Variants in PSME4 observed in about 807,000 individuals in gnomAD.
PSME4 encodes the protein proteasome activator subunit 4.
Under a neutral mutation model 253.9 loss-of-function variants are expected in PSME4, and 89 were observed. That is an observed-to-expected ratio of 0.35 (90% CI 0.30 to 0.42). The LOEUF (loss-of-function observed/expected upper bound fraction) is 0.42. Ranked by LOEUF, PSME4 falls within the 10% of genes least tolerant of loss-of-function variation. The pLI, the probability that PSME4 is intolerant of heterozygous loss-of-function variation, is 1.00. For missense variants in PSME4, 2,014 were observed against 2,195.2 expected (o/e 0.92, Z 1.65); for synonymous variants, 851 against 759.2 (o/e 1.12, Z -1.99).
intron 1 of PSME4, among the ~76,000 whole-genome samples, chr2:53,966,927 T>G (rs1315953800): frequency 6.6e-6 from 1 of 152,128 alleles, no homozygotes. Flanking sequence ...CTCGAACTCC[T>G]GACCTCGTGA....
chr2:53,962,692 G>C (rs1670543174), intron 1 of PSME4, among the ~76,000 whole-genome samples: 1 of 152,104 alleles, frequency 6.6e-6, no homozygotes, highest in South Asian at 2.1e-4. Context: ...GGCCTAGTCT[G>C]TCCTAAATGA....
chr2:53,895,251 T>C (rs982002075), intron 33 of PSME4, among the ~76,000 whole-genome samples, 175 bp from the exon 34 acceptor site: 2 of 152,162 alleles, frequency 1.3e-5, no homozygotes, highest in Non-Finnish European at 2.9e-5. Flanking sequence ...TGTGTCCTAA[T>C]GACAAATGGA....
Position 53,928,103 on chromosome 2 carries a change from A to G in PSME4, c.1503+14T>C, listed in dbSNP as rs805349. 503,973 of 1,588,178 alleles carry G rather than the reference A, an allele frequency of 0.32. 81,885 individuals carry two copies. The highest frequency in any genetic ancestry group is 0.46 in the South Asian group (40,402 of 87,696). On this transcript the variant is annotated intron_variant, in intron 11 of 46. Transcript: ENST00000404125. ...CTACCTAAATACGGAGTGTATAATC[A>G]CCAATATACTCACCATGCATTTACT...
intron 14 of PSME4, among the ~76,000 whole-genome samples, chr2:53,923,913 CAAAAAAAA>C (rs199929436): frequency 8.7e-4 from 84 of 96,868 alleles, no homozygotes; most frequent in East Asian, 1.8e-3. Flanking sequence ...ACAGAGTTAA[CAAAAAAAA>C]AAAAAAAAAA....
chr2:53,933,852 G>A (rs1295997365), intron 8 of PSME4, among the ~76,000 whole-genome samples: 2 of 152,130 alleles, frequency 1.3e-5, no homozygotes, highest in African/African-American at 4.8e-5. Flanking sequence ...TTCAGTGTTT[G>A]CTCCTACTGA....
At chr2:53,894,337 T>C (rs1278953000) in intron 34 of PSME4, among the ~76,000 whole-genome samples, 1 of 152,188 alleles carries the variant, frequency 6.6e-6, no homozygotes, top group African/African-American at 2.4e-5. Context: ...AGTGGTGCGA[T>C]CATGGCTCAT....
rs770492952 is a variant in PSME4, at chr2:53,922,576, C to T, written c.1987G>A (p.Val663Ile). 1.9e-6 allele frequency: 3 copies of T among 1,612,118 alleles called. No individual in the cohort carries two copies. Among genetic ancestry groups the T allele is most frequent in the East Asian group, 2.2e-5 (1 of 44,702 alleles). ...VITQLTMNDD[V>I]LNDEELDKEL... ...TTGTCTAGCTCTTCATCATTTAATA[C>T]ATCATCATCTAAAAACAGCAAAATA... The change falls in exon 17 of 47, where the codon GTA becomes ATA. Residue 663 changes from valine (V) to isoleucine (I), a missense_variant. Val to Ile is a conservative substitution (Grantham distance 29). Around this residue, in one of 4 missense-constraint regions of PSME4, gnomAD observed 989 missense variants for 1,021.1 expected, o/e 0.97. Coordinates refer to ENST00000404125, the MANE Select transcript of PSME4 (RefSeq NM_014614.3).
At chr2:53,930,774 G>A (rs1417440554) in intron 10 of PSME4, among the ~76,000 whole-genome samples, 1 of 152,124 alleles carries the variant, frequency 6.6e-6, no homozygotes, top group African/African-American at 2.4e-5. Context: ...ATAGGCTATA[G>A]TCTGAATTCT....
At position 53,887,453 on chromosome 2, in the gene PSME4, A is replaced by T; in HGVS notation, c.4535T>A (p.Ile1512Lys). ...RERIGSVLTY[I>K]FMIDVSLPNT... ...TGGCAAAGATACATCTATCATGAAT[A>T]TGTAGGTCAGCACACTGCAAAATAA... Residue 1512 changes from isoleucine to lysine, a missense_variant, in exon 40 of 47, where the codon ATA becomes AAA. Transcript: ENST00000404125. 6.2e-7 allele frequency: 1 copy of T among 1,612,878 alleles called. No individual in the cohort carries two copies. Among genetic ancestry groups the T allele is most frequent in the Non-Finnish European group, 8.5e-7 (1 of 1,178,926 alleles).
At chr2:53,959,551 C>T (rs1670388738) in intron 1 of PSME4, among the ~76,000 whole-genome samples, 1 of 152,152 alleles carries the variant, frequency 6.6e-6, no homozygotes, top group Non-Finnish European at 1.5e-5. Flanking sequence ...ATATCAGTTC[C>T]AGTCTTTTCC....
chr2:53,883,086 A>G (rs1391571379), intron 41 of PSME4, among the ~76,000 whole-genome samples: 1 of 152,112 alleles, frequency 6.6e-6, no homozygotes, highest in African/African-American at 2.4e-5. Context: ...GTTTATGAAT[A>G]TTTCCTTCCA....
chr2:53,962,598 A>T (rs1670539993), intron 1 of PSME4, among the ~76,000 whole-genome samples: 1 of 152,238 alleles, frequency 6.6e-6, no homozygotes, highest in South Asian at 2.1e-4. Context: ...GCATTAAAAC[A>T]CAGTGGTCAG....
intron 43 of PSME4, among the ~76,000 whole-genome samples, chr2:53,872,353 C>T (rs758613238): frequency 1.3e-5 from 2 of 152,236 alleles, no homozygotes; most frequent in Admixed American, 6.5e-5. Context: ...TTTCCCCATA[C>T]TATCAACGAA....
At chr2:53,898,994 T>C (rs1237048984) in intron 29 of PSME4, among the ~76,000 whole-genome samples, 2 of 151,916 alleles carry the variant, frequency 1.3e-5, no homozygotes, top group African/African-American at 4.8e-5. Context: ...GTTTCTGAAA[T>C]ATTACTACCT....
chr2:53,949,020 G>C lies in PSME4; in HGVS notation c.383+123C>G, dbSNP rs112286596. 5.6e-6 allele frequency: 7 copies of C among 1,252,856 alleles called. No homozygotes were observed. The African/African-American group carries it at 1.1e-4, about 19-fold the overall frequency. 77.6% of individuals were successfully genotyped at this position (1,252,856 alleles called of 1,614,324 possible). A position where few individuals can be genotyped will look rare whatever the true frequency, so the allele number is the denominator to read the frequency against. ...GATGAAAATTAAGATAATGTTTTTT[G>C]CAATCATTTTCCAAATTGGCAATTT... On this transcript the variant is annotated intron_variant, in intron 2 of 46. Transcript: ENST00000404125.
At chr2:53,908,934 AGTATTGG>A in intron 21 of PSME4, 94 bp from the exon 22 acceptor site, 1 of 911,676 alleles carries the variant, frequency 1.1e-6, no homozygotes, top group Admixed American at 2.4e-5. Flanking sequence ...GGAGGGATAA[AGTATTGG>A]AGAAAAAAAT....
At chr2:53,902,307 T>C (rs1007688001) in intron 27 of PSME4, among the ~76,000 whole-genome samples, 1 of 152,240 alleles carries the variant, frequency 6.6e-6, no homozygotes, top group Non-Finnish European at 1.5e-5. Flanking sequence ...TAAAGTATAC[T>C]GCATATTTAT....
At chr2:53,901,933 G>A (rs1680418149) in intron 27 of PSME4, among the ~76,000 whole-genome samples, 2 of 152,128 alleles carry the variant, frequency 1.3e-5, no homozygotes, top group African/African-American at 4.8e-5. Flanking sequence ...TGGGCATGGT[G>A]GCACACACCT....
At chr2:53,960,487 G>T (rs1464056001) in intron 1 of PSME4, among the ~76,000 whole-genome samples, 1 of 151,124 alleles carries the variant, frequency 6.6e-6, no homozygotes, top group Non-Finnish European at 1.5e-5. Flanking sequence ...AGAAATAACA[G>T]AATAAAATGT....
Sources: gnomAD v4.1 joint callset for allele counts (sites outside exome capture counted in the v4.1 genomes callset) on GRCh38, gnomAD v4.1.1 for gene constraint, gnomAD v4.1.1 regional missense constraint, MANE v1.5 for transcripts, NCBI Gene and HGNC (gene_info 2026-07-23, HGNC 2026-07-21) for gene names.